MAP6: variants seen among roughly 807,000 people sequenced by gnomAD.
MAP6 encodes the protein microtubule associated protein 6.
Under a neutral mutation model 42.4 loss-of-function variants are expected in MAP6, and 26 were observed. The ratio of observed to expected loss-of-function variants is 0.61; its 90% CI spans 0.45 to 0.85. MAP6 has a LOEUF of 0.85. Among genes scored for constraint, MAP6 ranks in the 40% least tolerant of loss-of-function variants. The probability of loss-of-function intolerance (pLI) is 0.00; values close to 1 mark genes in which losing one functional copy is unlikely to be tolerated. For synonymous variants in MAP6, 418 were observed against 443.8 expected (o/e 0.94, Z 0.73); for missense variants, 966 against 1,099.0 (o/e 0.88, Z 1.71).
chr11:75,657,483 G>A (rs941374376), intron 1 of MAP6, among the ~76,000 whole-genome samples: 4 of 152,126 alleles, frequency 2.6e-5, no homozygotes, highest in South Asian at 2.1e-4. Flanking sequence ...GTAGTGCATC[G>A]AGGCCAGGGA....
intron 1 of MAP6, among the ~76,000 whole-genome samples, chr11:75,621,060 G>A (rs575603114): frequency 6.6e-6 from 1 of 152,186 alleles, no homozygotes; most frequent in African/African-American, 2.4e-5. Flanking sequence ...GAACCCAGGA[G>A]GCGGAGCTTG....
intron 1 of MAP6, among the ~76,000 whole-genome samples, chr11:75,637,655 C>T (rs1481594724): frequency 6.6e-6 from 1 of 152,136 alleles, no homozygotes; most frequent in Admixed American, 6.6e-5. Flanking sequence ...ACCCTGCTGT[C>T]AGCCTCAGAT....
At position 75,641,223 on chromosome 11, in the gene MAP6, C is replaced by G. The variant is rs187179731; in HGVS notation, c.905+26242G>C. ...GCTGGAAACCATCATTCTCAGCAAA[C>G]TATTGCAAAGACAAAAAACTGAACA... On this transcript the variant is annotated intron_variant, in intron 1 of 3. Transcript: ENST00000304771. Among the ~76,000 whole-genome samples the G allele has an allele frequency of 3.1e-3, 470 of 151,068 alleles. 1 individual carries two copies. The highest frequency in any genetic ancestry group is 0.011 in the African/African-American group (441 of 41,160).
Position 75,587,781 on chromosome 11 carries a change from C to A in MAP6, c.1720G>T (p.Ala574Ser), listed in dbSNP as rs763260995. Residue 574 changes from alanine to serine, a missense_variant, in exon 4 of 4, where the codon GCT becomes TCT. Ala to Ser is a moderately conservative substitution (Grantham distance 99). Transcript: ENST00000304771. ...PRIPEPVKNQ[A>S]PMVPAPVKDE... Reference sequence around the variant, plus strand: ...TTGACAGGTGCTGGGACCATAGGAGCTTGATTCTTCACAGGCTCAGGAATC... The same window carrying A: ...TTGACAGGTGCTGGGACCATAGGAGATTGATTCTTCACAGGCTCAGGAATC... 6.2e-7 allele frequency: 1 copy of A among 1,613,542 alleles called. No homozygotes were observed. The highest frequency in any genetic ancestry group is 1.1e-5 in the South Asian group (1 of 91,048).
intron 1 of MAP6, among the ~76,000 whole-genome samples, chr11:75,633,982 G>A (rs1943328173): frequency 6.6e-6 from 1 of 152,228 alleles, no homozygotes; most frequent in African/African-American, 2.4e-5. Flanking sequence ...TTCAGCTGCT[G>A]CATTCAGAAC....
chr11:75,587,321 T>G lies in MAP6; in HGVS notation c.2180A>C (p.Gln727Pro), dbSNP rs777588096. 6.2e-6 allele frequency: 10 copies of G among 1,614,052 alleles called. No individual in the cohort carries two copies. In the African/African-American group the frequency reaches 1.3e-4, roughly 22 times the overall value. ...DPILPVLVKD[Q>P]GPTVLQPPKN... Reference sequence around the variant, plus strand: ...TGGAGGCTGTAGGACTGTGGGGCCTTGATCCTTAACTAGTACTGGGAGAAT... The same window carrying G: ...TGGAGGCTGTAGGACTGTGGGGCCTGGATCCTTAACTAGTACTGGGAGAAT... The change falls in exon 4 of 4, where the codon CAA becomes CCA. Residue 727 changes from glutamine (Q) to proline (P), a missense_variant. By Grantham distance (76) the Gln-to-Pro change is moderately conservative. This residue lies in a region of MAP6 where 943 missense variants were observed against 1,049.9 expected (regional missense o/e 0.90). Coordinates refer to ENST00000304771, the MANE Select transcript of MAP6 (RefSeq NM_033063.2).
intron 1 of MAP6, among the ~76,000 whole-genome samples, chr11:75,624,383 A>G (rs1159575112): frequency 1.3e-5 from 2 of 152,126 alleles, no homozygotes; most frequent in Non-Finnish European, 2.9e-5. Flanking sequence ...ATTCCTCTCT[A>G]TGCCAGAGGG....
chr11:75,597,079 T>C (rs753680945), intron 3 of MAP6: 8 of 152,246 alleles, frequency 5.3e-5, no homozygotes, highest in Non-Finnish European at 8.8e-5. Flanking sequence ...TATCTGTAAA[T>C]GGGAGTGACA....
chr11:75,603,132 A>G, intron 3 of MAP6: 9 of 985,544 alleles, frequency 9.1e-6, no homozygotes, highest in Non-Finnish European at 1.1e-5. Context: ...TGTGGACCGA[A>G]TGGGAGCACA....
intron 1 of MAP6, among the ~76,000 whole-genome samples, chr11:75,654,068 T>C (rs1023111022): frequency 6.6e-6 from 1 of 152,212 alleles, no homozygotes; most frequent in Non-Finnish European, 1.5e-5. Context: ...ATAGGTAAGA[T>C]AGTAACAGAC....
intron 1 of MAP6, among the ~76,000 whole-genome samples, chr11:75,609,060 C>T (rs685448): frequency 0.047 from 7,123 of 152,232 alleles, 237 homozygotes; most frequent in Non-Finnish European, 0.063. Context: ...GGCTATTGGT[C>T]CTTATCCTAA....
intron 3 of MAP6, among the ~76,000 whole-genome samples, chr11:75,595,167 A>G (rs996092177): frequency 6.6e-5 from 10 of 152,196 alleles, no homozygotes; most frequent in Non-Finnish European, 1.0e-4. Context: ...TGGGCTGCAC[A>G]TGCCCGGTGA....
At chr11:75,617,860 T>C (rs987998464) in intron 1 of MAP6, among the ~76,000 whole-genome samples, 2 of 152,064 alleles carry the variant, frequency 1.3e-5, no homozygotes, top group African/African-American at 4.8e-5. Flanking sequence ...GAGTTCTCAG[T>C]TGAGATTGAG....
rs772557097 is a variant in MAP6 at position 75,667,344 on chromosome 11, T to C, written c.905+121A>G. The C allele has an allele frequency of 1.1e-6, 1 of 906,816 alleles. No individual in the cohort carries two copies. The highest frequency in any genetic ancestry group is 1.5e-6 in the Non-Finnish European group (1 of 655,680). The allele number at this position is 906,816 out of a possible 1,614,324, so 56.2% of individuals were successfully genotyped here. ...GCCTGGGAGGCGGCTGGGGAGAGGG[T>C]GTGGCCTGGGACTGGAGGGAGGCTG... On this transcript the variant is annotated intron_variant, in intron 1 of 3. Transcript: ENST00000304771. This position sits in a 1 kb window ranked among gnomAD's most constrained non-coding sequence, Gnocchi z 5.6.
At chr11:75,607,392 T>C (rs563554503) in intron 2 of MAP6, 25 of 985,460 alleles carry the variant, frequency 2.5e-5, no homozygotes, top group Non-Finnish European at 8.4e-6. Flanking sequence ...CAGAAGATGC[T>C]AGATTGCATG....
chr11:75,656,066 A>C (rs1197447056), intron 1 of MAP6, among the ~76,000 whole-genome samples: 1 of 152,240 alleles, frequency 6.6e-6, no homozygotes, highest in Non-Finnish European at 1.5e-5. Context: ...GCTCTTTTGC[A>C]TTCTGCCTTG....
At chr11:75,605,609 G>A (rs992206187) in intron 3 of MAP6, 199 bp downstream of exon 3, 11 of 1,374,508 alleles carry the variant, frequency 8.0e-6, no homozygotes, top group Non-Finnish European at 1.0e-5. Flanking sequence ...CTCAGGAGGA[G>A]GCCTGCCACT....
intron 1 of MAP6, among the ~76,000 whole-genome samples, chr11:75,617,833 T>C (rs1328588376): frequency 6.6e-6 from 1 of 152,126 alleles, no homozygotes; most frequent in African/African-American, 2.4e-5. Context: ...CTGGGGTGGT[T>C]GTGCCACAAG....
intron 1 of MAP6, among the ~76,000 whole-genome samples, chr11:75,616,174 T>C (rs1942991472): frequency 6.6e-6 from 1 of 152,216 alleles, no homozygotes; most frequent in African/African-American, 2.4e-5. Flanking sequence ...GGATAATGGA[T>C]TGCTGCCAAC....
Sources: gnomAD v4.1 joint callset for allele counts (sites outside exome capture counted in the v4.1 genomes callset) on GRCh38, gnomAD v4.1.1 for gene constraint, gnomAD v4.1.1 regional missense constraint, Gnocchi (gnomAD v3.1) non-coding constraint, MANE v1.5 for transcripts, NCBI Gene and HGNC (gene_info 2026-07-23, HGNC 2026-07-21) for gene names.